Variants in MRTFB observed in about 807,000 individuals in gnomAD.
The protein encoded by MRTFB is myocardin-related transcription factor B.
A neutral mutation model predicts 104.2 loss-of-function variants in MRTFB; 29 were observed. The ratio of observed to expected loss-of-function variants is 0.28; its 90% CI spans 0.21 to 0.38. MRTFB has a LOEUF of 0.38. MRTFB is among the 10% of genes least tolerant of loss of function. The probability of loss-of-function intolerance (pLI) is 1.00; values close to 1 mark genes in which losing one functional copy is unlikely to be tolerated. For synonymous variants in MRTFB, 535 were observed against 519.5 expected, an observed-to-expected ratio of 1.03 and a Z score of -0.41; for missense variants, 1,270 against 1,341.6, an observed-to-expected ratio of 0.95 and a Z score of 0.83.
intron 2 of MRTFB, among the ~76,000 whole-genome samples, chr16:14,113,856 T>A (rs926901039): frequency 4.6e-5 from 7 of 152,220 alleles, no homozygotes; most frequent in African/African-American, 1.4e-4. Flanking sequence ...TTTCCTTAAA[T>A]TTTCCAGGTA....
chr16:14,068,801 T>C (rs1477772321), upstream of MRTFB, among the ~76,000 whole-genome samples: 2 of 152,032 alleles, frequency 1.3e-5, no homozygotes, highest in African/African-American at 4.8e-5. Context: ...CCAGAAGAGA[T>C]TGGTGTTTGA....
At chr16:14,024,414 A>G in the MRTFB span, among the ~76,000 whole-genome samples, 1 of 152,234 alleles carries the variant, frequency 6.6e-6, no homozygotes, top group Non-Finnish European at 1.5e-5. Context: ...CCAAAGTCTA[A>G]CAATATCAAG....
At chr16:14,118,959 C>T (rs963437891) in intron 2 of MRTFB, among the ~76,000 whole-genome samples, 2 of 151,990 alleles carry the variant, frequency 1.3e-5, no homozygotes, top group Non-Finnish European at 1.5e-5. Flanking sequence ...TATTTTAGGA[C>T]TACACTACAG....
the MRTFB span, among the ~76,000 whole-genome samples, chr16:14,033,074 G>C: frequency 5.0e-4 from 76 of 152,108 alleles, 1 homozygote; most frequent in East Asian, 3.5e-3. Flanking sequence ...ATGACAGATA[G>C]CTGGGAAGCT....
chr16:14,195,417 T>G, intron 3 of MRTFB: 2 of 620,018 alleles, frequency 3.2e-6, no homozygotes, highest in Non-Finnish European at 4.0e-6. Flanking sequence ...ACATTGCACA[T>G]GTGTGTGTAT....
intron 6 of MRTFB, among the ~76,000 whole-genome samples, chr16:14,214,289 G>A (rs931301598): frequency 2.0e-5 from 3 of 152,104 alleles, no homozygotes; most frequent in African/African-American, 4.8e-5. Flanking sequence ...CTTCTCCAAC[G>A]AATTTATTAA....
chr16:14,064,509 T>G, the MRTFB span, among the ~76,000 whole-genome samples: 1 of 152,240 alleles, frequency 6.6e-6, no homozygotes, highest in Non-Finnish European at 1.5e-5. Flanking sequence ...GCAATTGTTT[T>G]TGGCATCTTC....
At chr16:13,995,348 C>T in the MRTFB span, among the ~76,000 whole-genome samples, 3 of 152,078 alleles carry the variant, frequency 2.0e-5, no homozygotes, top group Non-Finnish European at 4.4e-5. Flanking sequence ...GGAGCCATGA[C>T]CCACTTAAAC....
the MRTFB span, among the ~76,000 whole-genome samples, chr16:14,040,866 C>T: frequency 7.9e-3 from 1,209 of 152,236 alleles, 15 homozygotes; most frequent in African/African-American, 0.027. Context: ...ATAATACCAG[C>T]GCTTTGGGAG....
chr16:14,078,167 T>C (rs1156922100), intron 1 of MRTFB, among the ~76,000 whole-genome samples: 1 of 152,168 alleles, frequency 6.6e-6, no homozygotes, highest in Non-Finnish European at 1.5e-5. Flanking sequence ...TATCTGTCTC[T>C]GCATGTAGCT....
the MRTFB span, among the ~76,000 whole-genome samples, chr16:14,041,159 G>T: frequency 6.6e-6 from 1 of 151,876 alleles, no homozygotes; most frequent in South Asian, 2.1e-4. Flanking sequence ...TGGGGGGCGG[G>T]GAGAGGAGGG....
At position 14,210,265 on chromosome 16, in the gene MRTFB, A is replaced by C. The variant is rs758131618; in HGVS notation, c.177A>C (p.Gln59His). 6.2e-7 allele frequency: 1 copy of C among 1,613,406 alleles called. No homozygotes were observed. The part of the protein sequence containing the change: ...RKNVLQLRLQ[Q>H]RRTREQLVDQ... ...CAGTGCTCCAGCTGAGGCTGCAACA[A>C]AGGAGGACGAGAGAACAACTAGTGG... The change falls in exon 4 of 17, where the codon CAA (glutamine) becomes CAC (histidine). Residue 59 changes from glutamine to histidine, a missense_variant. By Grantham distance (24) the Gln-to-His change is conservative. Around this residue, in one of 3 missense-constraint regions of MRTFB, gnomAD observed 64 missense variants for 152.9 expected, o/e 0.42. Transcript: ENST00000571589.
chr16:14,209,824 T>C (rs1458225081), intron 3 of MRTFB, among the ~76,000 whole-genome samples: 3 of 152,218 alleles, frequency 2.0e-5, no homozygotes, highest in African/African-American at 4.8e-5. Context: ...AAGCCACTTA[T>C]AGTCAGTCTT....
At chr16:14,247,690 T>TG (rs918188390) in intron 12 of MRTFB, 183 bp downstream of exon 12, 2 of 603,084 alleles carry the variant, frequency 3.3e-6, no homozygotes, top group African/African-American at 3.7e-5. Context: ...TTTTATATAG[T>TG]GAAAAAAACA....
chr16:14,196,479 T>TA (rs1422146308), intron 3 of MRTFB, among the ~76,000 whole-genome samples: 3 of 152,262 alleles, frequency 2.0e-5, no homozygotes, highest in Non-Finnish European at 4.4e-5. Flanking sequence ...TCCCCTCCTT[T>TA]TCCAATTCTG....
rs139410573 is a variant in MRTFB, at chr16:14,153,491, T to C, written c.154+12731T>C. The stretch of plus-strand genomic sequence containing the variant: ...GAAATCATGTAGCTGTTTGGATTGC[T>C]CAGCGCTTTCTGAACCCTCAAGAGA... On this transcript the variant is annotated intron_variant, in intron 3 of 16. Transcript: ENST00000571589. Among the ~76,000 whole-genome samples, 3 of 152,330 alleles carry C rather than the reference T, an allele frequency of 2.0e-5. No individual in the cohort carries two copies. In the East Asian group the frequency reaches 5.8e-4, roughly 29 times the overall value.
At chr16:14,039,810 G>A in the MRTFB span, among the ~76,000 whole-genome samples, 2 of 141,750 alleles carry the variant, frequency 1.4e-5, no homozygotes, top group African/African-American at 2.6e-5. Flanking sequence ...GTGCAATGAC[G>A]CAATCTCGGC....
intron 3 of MRTFB, chr16:14,195,377 T>C (rs2040387932): frequency 3.5e-6 from 1 of 286,254 alleles, no homozygotes; most frequent in African/African-American, 2.3e-5. Context: ...ACACAAGTTA[T>C]GGCAGTTCTT....
intron 8 of MRTFB, among the ~76,000 whole-genome samples, chr16:14,225,770 C>G (rs1027822544): frequency 6.6e-6 from 1 of 152,182 alleles, no homozygotes; most frequent in African/African-American, 2.4e-5. Context: ...CTTAGAGAGT[C>G]TGCCCACCTC....
Sources: allele counts gnomAD v4.1 joint callset (sites outside exome capture counted in the v4.1 genomes callset), GRCh38; gene constraint gnomAD v4.1.1; regional missense constraint gnomAD v4.1.1; transcripts MANE v1.5; gene names NCBI Gene and HGNC (gene_info 2026-07-23, HGNC 2026-07-21).